The following RCHY1 variants were observed in gnomAD, a reference collection of about 807,000 sequenced individuals.
The protein encoded by RCHY1 is RING finger and CHY zinc finger domain-containing protein 1.
In RCHY1, 21 loss-of-function variants were observed where a neutral mutation model predicts 41.6. That is an observed-to-expected ratio of 0.51 (90% CI 0.36 to 0.73). The LOEUF (loss-of-function observed/expected upper bound fraction) is 0.73, where lower values mean the gene tolerates loss of function less well. Among genes scored for constraint, RCHY1 ranks in the 30% least tolerant of loss-of-function variants. The pLI is 0.00. For missense variants in RCHY1, 265 were observed against 325.3 expected (o/e 0.81, Z 1.43); for synonymous variants, 79 against 102.9 (o/e 0.77, Z 1.41).
At chr4:75,496,573 TCAAA>T (rs1273225405) in intron 3 of RCHY1, among the ~76,000 whole-genome samples, 2 of 152,074 alleles carry the variant, frequency 1.3e-5, no homozygotes, top group African/African-American at 4.8e-5. Context: ...CCTGATCCCA[TCAAA>T]CAGACTGGGG....
intron 3 of RCHY1, among the ~76,000 whole-genome samples, chr4:75,496,093 A>G (rs1233557911): frequency 5.9e-5 from 9 of 152,114 alleles, no homozygotes. Context: ...CAAACTCCAT[A>G]AGTAAAATTC....
At chr4:75,501,578 T>G (rs772628207) in intron 3 of RCHY1, among the ~76,000 whole-genome samples, 1 of 152,328 alleles carries the variant, frequency 6.6e-6, no homozygotes, top group East Asian at 1.9e-4. Context: ...CTACTTGAAG[T>G]GAACATAATT....
At chr4:75,488,721 T>C (rs1722472664) in intron 8 of RCHY1, among the ~76,000 whole-genome samples, 1 of 152,178 alleles carries the variant, frequency 6.6e-6, no homozygotes, top group Non-Finnish European at 1.5e-5. Context: ...CATGGACTCA[T>C]GGAGAACCTG....
upstream of RCHY1, chr4:75,514,449 G>A: frequency 2.7e-6 from 2 of 753,778 alleles, no homozygotes. Flanking sequence ...CCGGTTCCCG[G>A]GGCTACGAGG....
intron 3 of RCHY1, among the ~76,000 whole-genome samples, chr4:75,504,097 T>C (rs1157670778): frequency 1.3e-5 from 2 of 152,230 alleles, no homozygotes; most frequent in Admixed American, 6.5e-5. Flanking sequence ...TTATCAGTGG[T>C]GTATTTGAGA....
At position 75,482,639 on chromosome 4, in the gene RCHY1, A is replaced by T; in HGVS notation, c.685T>A (p.Ser229Thr). ...CCTAATATATGAAACTGAACAGTGG[A>T]TCGTCCATTACAGTCATTGCAGAGA... ...DILCNDCNGR[S>T]TVQFHILGMK... The change falls in exon 9 of 9, where the codon TCC (serine) becomes ACC (threonine). Residue 229 changes from serine to threonine, a missense_variant. Ser to Thr is a moderately conservative substitution (Grantham distance 58). Coordinates refer to ENST00000324439, the MANE Select transcript of RCHY1 (RefSeq NM_015436.4). The T allele has an allele frequency of 1.2e-6, 2 of 1,610,634 alleles. No individual in the cohort carries two copies. The highest frequency in any genetic ancestry group is 1.7e-6 in the Non-Finnish European group (2 of 1,177,530).
chr4:75,514,371 C>G lies in RCHY1; in HGVS notation c.-85G>C, dbSNP rs1725335498. 1 of 1,431,710 alleles carries G rather than the reference C, an allele frequency of 7.0e-7. No individual in the cohort carries two copies. The highest frequency in any genetic ancestry group is 9.4e-7 in the Non-Finnish European group (1 of 1,060,982). 88.7% of individuals were successfully genotyped at this position (1,431,710 alleles called of 1,614,324 possible). On this transcript the variant is annotated 5_prime_UTR_variant, in exon 1 of 9. Transcript: ENST00000324439. ...AGAAGCTGCGCCTCTCTAGCACACC[C>G]CTCCCAGCCCCAGCGGCCACTAGCG...
intron 3 of RCHY1, among the ~76,000 whole-genome samples, chr4:75,507,605 C>T (rs140621871): frequency 1.3e-5 from 2 of 152,030 alleles, no homozygotes; most frequent in Non-Finnish European, 2.9e-5. Context: ...TTACAAGACA[C>T]ATGACTTAAA....
intron 7 of RCHY1, 68 bp downstream of exon 7, chr4:75,491,543 C>G: frequency 7.0e-7 from 1 of 1,423,630 alleles, no homozygotes; most frequent in Non-Finnish European, 9.8e-7. Flanking sequence ...TGTTTGTCCA[C>G]CTCCCCACAC....
At chr4:75,484,019 G>A (rs890031682) in intron 8 of RCHY1, among the ~76,000 whole-genome samples, 4 of 152,130 alleles carry the variant, frequency 2.6e-5, no homozygotes, top group Admixed American at 2.0e-4. Flanking sequence ...CAAGCTAATT[G>A]CAACCAAATA....
chr4:75,496,600 C>T (rs1723231865), intron 3 of RCHY1, among the ~76,000 whole-genome samples: 1 of 152,070 alleles, frequency 6.6e-6, no homozygotes, highest in Non-Finnish European at 1.5e-5. Flanking sequence ...ACTCATAATT[C>T]GCAGGCTCCG....
At chr4:75,501,941 G>A (rs1560525119) in intron 3 of RCHY1, among the ~76,000 whole-genome samples, 2 of 152,014 alleles carry the variant, frequency 1.3e-5, no homozygotes, top group African/African-American at 4.8e-5. Context: ...AGCCAGGCAT[G>A]GTGGCACATG....
At chr4:75,512,912 G>C (rs201182132) in intron 1 of RCHY1, among the ~76,000 whole-genome samples, 30,604 of 137,408 alleles carry the variant, frequency 0.22, 3,961 homozygotes, top group Middle Eastern at 0.35. Flanking sequence ...AGGGGGGGGG[G>C]GGGGCGGGGG....
intron 3 of RCHY1, among the ~76,000 whole-genome samples, chr4:75,497,230 G>A (rs905470854): frequency 7.9e-5 from 12 of 152,146 alleles, no homozygotes; most frequent in Non-Finnish European, 7.4e-5. Context: ...ACATACATGT[G>A]TTCAGTTGAG....
At chr4:75,513,379 C>T (rs543005901) in intron 1 of RCHY1, among the ~76,000 whole-genome samples, 1 of 152,312 alleles carries the variant, frequency 6.6e-6, no homozygotes, top group Admixed American at 6.5e-5. Context: ...AAACACTATA[C>T]ACGCCCTTTA....
chr4:75,513,513 T>C (rs1219421311), intron 1 of RCHY1, among the ~76,000 whole-genome samples: 1 of 152,118 alleles, frequency 6.6e-6, no homozygotes, highest in Admixed American at 6.6e-5. Context: ...GATAGGGCGG[T>C]TGAGGTTCCA....
chr4:75,496,826 T>C (rs1211047627), intron 3 of RCHY1, among the ~76,000 whole-genome samples: 2 of 152,028 alleles, frequency 1.3e-5, no homozygotes, highest in Non-Finnish European at 2.9e-5. Context: ...TCACATCTGA[T>C]ATCCAACCCA....
chr4:75,504,068 A>C (rs545638317), intron 3 of RCHY1, among the ~76,000 whole-genome samples: 1 of 152,262 alleles, frequency 6.6e-6, no homozygotes, highest in South Asian at 2.1e-4. Flanking sequence ...TGTGTACAGA[A>C]GTAATGATAA....
At chr4:75,496,276 A>G (rs1023250180) in intron 3 of RCHY1, among the ~76,000 whole-genome samples, 1 of 150,980 alleles carries the variant, frequency 6.6e-6, no homozygotes, top group African/African-American at 2.4e-5. Flanking sequence ...GTGAGCCCTA[A>G]AATTGCTCAT....
Sources: gnomAD v4.1 joint callset for allele counts (sites outside exome capture counted in the v4.1 genomes callset) on GRCh38, gnomAD v4.1.1 for gene constraint, MANE v1.5 for transcripts, NCBI Gene and HGNC (gene_info 2026-07-23, HGNC 2026-07-21) for gene names.